The following FLACC1 variants were observed in gnomAD, a reference collection of about 807,000 sequenced individuals.
FLACC1 encodes flagellum-associated coiled-coil domain-containing protein 1.
Under a neutral mutation model 62.8 loss-of-function variants are expected in FLACC1, and 66 were observed. That is an observed-to-expected ratio of 1.05 (90% CI 0.86 to 1.29). The LOEUF is 1.29. Ranked by LOEUF, FLACC1 falls within the 50% of genes most tolerant of loss-of-function variation. The probability of loss-of-function intolerance (pLI) is 0.00; values close to 1 mark genes in which losing one functional copy is unlikely to be tolerated. For synonymous variants in FLACC1, 156 were observed against 161.0 expected, an observed-to-expected ratio of 0.97 and a Z score of 0.24; for missense variants, 452 against 489.1, an observed-to-expected ratio of 0.92 and a Z score of 0.71.
chr2:201,332,336 C>T (rs1426539380), intron 7 of FLACC1, among the ~76,000 whole-genome samples: 1 of 151,962 alleles, frequency 6.6e-6, no homozygotes, highest in African/African-American at 2.4e-5. Context: ...GCAACCTTCG[C>T]CTCCTGGGCT....
In FLACC1 at chr2:201,346,535, G is replaced by C. The variant is rs747000080; in HGVS notation, c.368+7C>G. 1 of 1,613,362 alleles carries C rather than the reference G, an allele frequency of 6.2e-7. No individual in the cohort carries two copies. The highest frequency in any genetic ancestry group is 2.2e-5 in the East Asian group (1 of 44,872). On this transcript the variant is annotated splice_region_variant and intron_variant, in intron 5 of 14. Coordinates refer to ENST00000392257, the MANE Select transcript of FLACC1 (RefSeq NM_001127391.3). This position sits in a 1 kb window ranked among gnomAD's most constrained non-coding sequence, Gnocchi z 4.0. ...CAAGCAGCTGCATGTTGCTGCAACA[G>C]CATTACCTGGAAAATCTGCCTTTGT...
chr2:201,306,269 T>A lies in FLACC1; in HGVS notation c.879+1250A>T, dbSNP rs566000635. 1.6e-4 allele frequency among the ~76,000 whole-genome samples: 24 copies of A among 152,170 alleles called. No individual in the cohort carries two copies. In the South Asian group the frequency reaches 5.0e-3, roughly 32 times the overall value. On this transcript the variant is annotated intron_variant, in intron 11 of 14. Coordinates refer to ENST00000392257, the MANE Select transcript of FLACC1 (RefSeq NM_001127391.3). ...AAGGGGGAGGTGCTACAACCTGATCTTTTGAGAGCTCACTCACTATCACGA... is the reference window on the plus strand; with the variant it reads ...AAGGGGGAGGTGCTACAACCTGATCATTTGAGAGCTCACTCACTATCACGA...
chr2:201,307,672 G>A, intron 10 of FLACC1, 50 bp from the exon 11 acceptor site: 1 of 1,322,812 alleles, frequency 7.6e-7, no homozygotes, highest in East Asian at 2.3e-5. Context: ...GGGAAAAGCA[G>A]GTGCAATGAG....
At chr2:201,301,868 TAC>T (rs1001221783) in intron 11 of FLACC1, among the ~76,000 whole-genome samples, 3 of 152,186 alleles carry the variant, frequency 2.0e-5, no homozygotes, top group African/African-American at 7.2e-5. Flanking sequence ...TAAAATCCTT[TAC>T]AGAGAAGCAA....
intron 1 of FLACC1, chr2:201,351,819 C>T: frequency 6.0e-6 from 1 of 167,542 alleles, no homozygotes; most frequent in South Asian, 1.5e-4. Flanking sequence ...TGGCACACAC[C>T]TATAGTCCCA....
chr2:201,318,922 A>G (rs1056655877), intron 9 of FLACC1, among the ~76,000 whole-genome samples: 66 of 143,594 alleles, frequency 4.6e-4, no homozygotes, highest in African/African-American at 1.2e-3. Context: ...GAATAACACA[A>G]TGGATTTTGG....
intron 9 of FLACC1, among the ~76,000 whole-genome samples, chr2:201,313,728 G>A (rs539498310): frequency 6.6e-6 from 1 of 152,242 alleles, no homozygotes; most frequent in East Asian, 1.9e-4. Flanking sequence ...TGTCTTGAAA[G>A]CATCATCTCC....
intron 11 of FLACC1, among the ~76,000 whole-genome samples, chr2:201,301,380 A>C (rs1949979318): frequency 6.6e-6 from 1 of 152,230 alleles, no homozygotes; most frequent in African/African-American, 2.4e-5. Context: ...AAGTTTAGAG[A>C]AAAAAGAGTA....
Position 201,299,245 on chromosome 2 carries a change from G to C in FLACC1, c.935C>G (p.Thr312Ser). ...DTLQLEELRKTKEVMQEELHA... is the reference protein window; with the variant it reads ...DTLQLEELRKSKEVMQEELHA... ...AAGGATGAAAAAGCTTACCTCTTTG[G>C]TTTTTCTCAGCTCTTCTAATTGCAA... The change falls in exon 12 of 15, where the codon ACC becomes AGC. Residue 312 changes from threonine (T) to serine (S), a missense_variant. By Grantham distance (58) the Thr-to-Ser change is moderately conservative (BLOSUM62 1). This residue lies in a region of FLACC1 where 301 missense variants were observed against 318.4 expected (regional missense o/e 0.95). Coordinates refer to ENST00000392257, the MANE Select transcript of FLACC1 (RefSeq NM_001127391.3). The C allele has an allele frequency of 6.2e-7, 1 of 1,613,336 alleles. No homozygotes were observed. The highest frequency in any genetic ancestry group is 8.5e-7 in the Non-Finnish European group (1 of 1,179,718).
At chr2:201,322,267 A>C (rs1319654093) in intron 9 of FLACC1, among the ~76,000 whole-genome samples, 1 of 151,940 alleles carries the variant, frequency 6.6e-6, no homozygotes, top group Non-Finnish European at 1.5e-5. Context: ...CAGCCTCAAA[A>C]AAAAAAAAGA....
At chr2:201,324,639 T>C (rs1950468149) in intron 9 of FLACC1, among the ~76,000 whole-genome samples, 1 of 152,202 alleles carries the variant, frequency 6.6e-6, no homozygotes. Context: ...TTTTTAAAAA[T>C]TGAAATCCTA....
chr2:201,331,863 G>A (rs555980986), intron 7 of FLACC1, among the ~76,000 whole-genome samples: 5 of 152,180 alleles, frequency 3.3e-5, no homozygotes, highest in African/African-American at 9.7e-5. Context: ...AACTCTGGGT[G>A]ATAATGATGT....
rs1328309706 is a variant in FLACC1, at chr2:201,289,784, A to T, written c.944T>A (p.Val315Asp). Residue 315 changes from valine to aspartate, a missense_variant and splice_region_variant, in exon 13 of 15, where the codon GTC becomes GAC. Physicochemically the swap from Val to Asp is radical, Grantham distance 152 (BLOSUM62 -3). Coordinates refer to ENST00000392257, the MANE Select transcript of FLACC1 (RefSeq NM_001127391.3). ...QLEELRKTKEVMQEELHAQAL... is the reference protein window; with the variant it reads ...QLEELRKTKEDMQEELHAQAL... ...TTGTGCATGCAATTCTTCCTGCATG[A>T]CCTGCATAAGAAGAAGCTGTTGCAG... The T allele has an allele frequency of 6.2e-7, 1 of 1,614,116 alleles. No individual in the cohort carries two copies. The highest frequency in any genetic ancestry group is 2.2e-5 in the East Asian group (1 of 44,876).
intron 7 of FLACC1, among the ~76,000 whole-genome samples, chr2:201,336,185 C>T (rs1443965679): frequency 6.6e-6 from 1 of 152,088 alleles, no homozygotes; most frequent in Non-Finnish European, 1.5e-5. Flanking sequence ...GTAGGCCCCA[C>T]CGTCTATTGC....
chr2:201,350,816 C>T, intron 2 of FLACC1, 34 bp from the exon 3 acceptor site: 1 of 1,581,958 alleles, frequency 6.3e-7, no homozygotes, highest in Non-Finnish European at 8.7e-7. Flanking sequence ...AAAACAAGAA[C>T]ATTGGAAATT....
At chr2:201,359,288 A>G (rs551919167), upstream of FLACC1, among the ~76,000 whole-genome samples, 46 of 152,248 alleles carry the variant, frequency 3.0e-4, no homozygotes, top group African/African-American at 1.1e-3. Context: ...TCAGTTTTGG[A>G]TATGTTGAGG....
At chr2:201,307,196 A>T (rs1252045292) in intron 11 of FLACC1, among the ~76,000 whole-genome samples, 1 of 152,224 alleles carries the variant, frequency 6.6e-6, no homozygotes, top group Non-Finnish European at 1.5e-5. Context: ...AGCTACAGTG[A>T]GGAATGAAAA....
intron 12 of FLACC1, among the ~76,000 whole-genome samples, chr2:201,292,194 C>T (rs1415368211): frequency 6.6e-6 from 1 of 152,028 alleles, no homozygotes; most frequent in African/African-American, 2.4e-5. Context: ...AGATACTCCT[C>T]GAGAAGAGCA....
intron 12 of FLACC1, among the ~76,000 whole-genome samples, chr2:201,297,521 C>T (rs942800353): frequency 2.1e-4 from 32 of 152,162 alleles, no homozygotes; most frequent in African/African-American, 7.7e-4. Context: ...CCCATGAAAG[C>T]TAAGACAGGT....
Sources: gnomAD v4.1 joint callset for allele counts (sites outside exome capture counted in the v4.1 genomes callset) on GRCh38, gnomAD v4.1.1 for gene constraint, gnomAD v4.1.1 regional missense constraint, Gnocchi (gnomAD v3.1) non-coding constraint, MANE v1.5 for transcripts, NCBI Gene and HGNC (gene_info 2026-07-23, HGNC 2026-07-21) for gene names.